The following CFAP77 variants were observed in gnomAD, a reference collection of about 807,000 sequenced individuals.
CFAP77 encodes cilia- and flagella-associated protein 77.
A neutral mutation model predicts 31.1 loss-of-function variants in CFAP77; 25 were observed. That is an observed-to-expected ratio of 0.80 (90% CI 0.59 to 1.12). The LOEUF (loss-of-function observed/expected upper bound fraction) is 1.12. Ranked by LOEUF, CFAP77 falls within the 50% of genes most tolerant of loss-of-function variation. The pLI, the probability that CFAP77 is intolerant of heterozygous loss-of-function variation, is 0.00. For missense variants in CFAP77, 377 were observed against 397.3 expected (o/e 0.95, Z 0.44); for synonymous variants, 151 against 159.9 (o/e 0.94, Z 0.42).
At chr9:132,486,641 C>G (rs1257225224) in intron 1 of CFAP77, among the ~76,000 whole-genome samples, 1 of 152,262 alleles carries the variant, frequency 6.6e-6, no homozygotes, top group East Asian at 1.9e-4. Flanking sequence ...GCGTTTCCCC[C>G]TCATTCCCCT....
chr9:132,476,582 T>C (rs774700840), intron 1 of CFAP77, among the ~76,000 whole-genome samples: 2 of 151,802 alleles, frequency 1.3e-5, no homozygotes, highest in Non-Finnish European at 2.9e-5. Flanking sequence ...TTTGCAGAGG[T>C]GATCAAGTTA....
At chr9:132,549,503 A>G (rs531944683) in intron 5 of CFAP77, among the ~76,000 whole-genome samples, 52 of 152,268 alleles carry the variant, frequency 3.4e-4, no homozygotes, top group South Asian at 1.0e-3. Context: ...CCCATTCTAC[A>G]TGGATCAGTA....
intron 1 of CFAP77, among the ~76,000 whole-genome samples, chr9:132,449,451 T>A (rs1485453531): frequency 6.7e-6 from 1 of 150,116 alleles, no homozygotes; most frequent in East Asian, 2.0e-4. Flanking sequence ...TTTTTTTTTA[T>A]GTTTTACTTC....
At chr9:132,438,438 A>T (rs1457781067) in intron 1 of CFAP77, among the ~76,000 whole-genome samples, 2 of 150,294 alleles carry the variant, frequency 1.3e-5, no homozygotes, top group African/African-American at 4.9e-5. Context: ...GTATTTTAGG[A>T]AAATGTAATA....
intron 1 of CFAP77, 93 bp downstream of exon 1, chr9:132,410,559 G>A: frequency 1.7e-6 from 2 of 1,152,420 alleles, no homozygotes; most frequent in Non-Finnish European, 2.4e-6. Flanking sequence ...TGGCCCCGCG[G>A]CCCGGGGTCC....
At chr9:132,423,150 T>C (rs1564198780) in intron 1 of CFAP77, among the ~76,000 whole-genome samples, 1 of 152,152 alleles carries the variant, frequency 6.6e-6, no homozygotes, top group Non-Finnish European at 1.5e-5. Flanking sequence ...GGGGCATAAA[T>C]TCGGAGGTTT....
At chr9:132,484,399 C>T (rs183489984) in intron 1 of CFAP77, among the ~76,000 whole-genome samples, 1 of 152,322 alleles carries the variant, frequency 6.6e-6, no homozygotes, top group East Asian at 1.9e-4. Context: ...TACCCATGAG[C>T]AGTCTCCCTC....
chr9:132,561,660 CA>C lies in CFAP77; in HGVS notation c.733-10727del, dbSNP rs1460573351. Among the ~76,000 whole-genome samples the C allele has an allele frequency of 3.6e-3, 189 of 52,534 alleles. 1 individual carries two copies. The highest frequency in any genetic ancestry group is 5.1e-3 in the Non-Finnish European group (134 of 26,158). The allele number at this position is 52,534 out of a possible 152,430, so 34.5% of individuals were successfully genotyped here. On this transcript the variant is annotated intron_variant, in intron 5 of 5. Transcript: ENST00000393216. ...ACACACACACACACACACACACACA[CA>C]CCCCCTCCATGTGTCTCTGGGATGG...
At chr9:132,566,175 G>T (rs1041125478) in intron 5 of CFAP77, among the ~76,000 whole-genome samples, 5 of 152,332 alleles carry the variant, frequency 3.3e-5, no homozygotes, top group African/African-American at 1.2e-4. Flanking sequence ...GCTTGGAGAG[G>T]GGGGAGCGTG....
At chr9:132,433,259 A>G (rs867303984) in intron 1 of CFAP77, among the ~76,000 whole-genome samples, 15 of 152,214 alleles carry the variant, frequency 9.9e-5, no homozygotes, top group Non-Finnish European at 2.1e-4. Context: ...GAGCTTGCTC[A>G]ATGGTAAGGG....
intron 3 of CFAP77, among the ~76,000 whole-genome samples, chr9:132,505,919 C>T (rs1172290126): frequency 6.6e-6 from 1 of 152,204 alleles, no homozygotes; most frequent in Non-Finnish European, 1.5e-5. Flanking sequence ...ACAGTATGAG[C>T]CACCGCTAAC....
intron 1 of CFAP77, among the ~76,000 whole-genome samples, chr9:132,487,996 A>G (rs1245874050): frequency 1.3e-5 from 2 of 152,202 alleles, no homozygotes; most frequent in African/African-American, 4.8e-5. Flanking sequence ...GTGTGTGCCT[A>G]TGTATGCATG....
At chr9:132,522,215 T>C (rs1056865917) in intron 3 of CFAP77, among the ~76,000 whole-genome samples, 1 of 152,210 alleles carries the variant, frequency 6.6e-6, no homozygotes, top group African/African-American at 2.4e-5. Context: ...TTGGCCTCTA[T>C]GTGCACCTGG....
intron 1 of CFAP77, among the ~76,000 whole-genome samples, chr9:132,427,185 C>T (rs1392147398): frequency 1.3e-5 from 2 of 152,216 alleles, no homozygotes; most frequent in East Asian, 3.8e-4. Context: ...GCACGAGAAG[C>T]CCCGATTCTT....
chr9:132,486,413 A>G (rs968981286), intron 1 of CFAP77, among the ~76,000 whole-genome samples: 1 of 151,970 alleles, frequency 6.6e-6, no homozygotes, highest in African/African-American at 2.4e-5. Flanking sequence ...TCTTAATCAG[A>G]GGCATCATCG....
At chr9:132,521,821 T>C (rs915206285) in intron 3 of CFAP77, among the ~76,000 whole-genome samples, 4 of 134,238 alleles carry the variant, frequency 3.0e-5, no homozygotes, top group South Asian at 2.5e-4. Flanking sequence ...GGCTGGAGTA[T>C]AGTGGCAAAA....
chr9:132,572,287 CATT>C lies in CFAP77; in HGVS notation c.733-97_733-95del, dbSNP rs1362638279. ...TCCTCCCTCTTACAGCTATTTTTAT[CATT>C]ATTCTAAGATTGAAGCAGGGGGCAG... is the stretch of plus-strand genomic sequence containing the variant. On this transcript the variant is annotated intron_variant, in intron 5 of 5. Transcript: ENST00000393216. 2.5e-5 allele frequency: 35 copies of C among 1,372,572 alleles called. No homozygotes were observed. In the East Asian group the frequency reaches 8.3e-4, roughly 32 times the overall value. The allele number at this position is 1,372,572 out of a possible 1,614,324, so 85.0% of individuals were successfully genotyped here. A position where few individuals can be genotyped will look rare whatever the true frequency, so the allele number is the denominator to read the frequency against.
intron 1 of CFAP77, among the ~76,000 whole-genome samples, chr9:132,434,812 A>G (rs1479017868): frequency 6.6e-6 from 1 of 152,230 alleles, no homozygotes; most frequent in African/African-American, 2.4e-5. Flanking sequence ...GCATTTAACA[A>G]GTAAATCCAA....
intron 1 of CFAP77, among the ~76,000 whole-genome samples, chr9:132,468,994 GTC>G (rs1318224705): frequency 2.0e-5 from 3 of 151,832 alleles, no homozygotes; most frequent in Non-Finnish European, 4.4e-5. Context: ...AGAGAAGAAA[GTC>G]TCTTCTCTTT....
Sources: gnomAD v4.1 joint callset for allele counts (sites outside exome capture counted in the v4.1 genomes callset) on GRCh38, gnomAD v4.1.1 for gene constraint, MANE v1.5 for transcripts, NCBI Gene and HGNC (gene_info 2026-07-23, HGNC 2026-07-21) for gene names.